The following EPB41L4A variants were observed in gnomAD, a reference collection of about 807,000 sequenced individuals.
EPB41L4A encodes band 4.1-like protein 4A.
A neutral mutation model predicts 108.6 loss-of-function variants in EPB41L4A; 100 were observed. The ratio of observed to expected loss-of-function variants is 0.92; its 90% CI spans 0.78 to 1.09. EPB41L4A has a LOEUF of 1.09. EPB41L4A is among the 50% of genes least tolerant of loss of function. The pLI is 0.00. For synonymous variants in EPB41L4A, 319 were observed against 289.0 expected (o/e 1.10, Z -1.05); for missense variants, 1,030 against 842.7 (o/e 1.22, Z -2.75).
intron 2 of EPB41L4A, among the ~76,000 whole-genome samples, chr5:112,282,141 C>A (rs772964785): frequency 5.9e-5 from 9 of 152,116 alleles, no homozygotes; most frequent in Non-Finnish European, 1.3e-4. Flanking sequence ...GAGCCCACAG[C>A]GACTAAAAAT....
intron 1 of EPB41L4A, among the ~76,000 whole-genome samples, chr5:112,365,628 T>C (rs774412011): frequency 1.3e-5 from 2 of 152,244 alleles, no homozygotes; most frequent in East Asian, 3.8e-4. Flanking sequence ...GAACCAACAC[T>C]GGCACATTAC....
At chr5:112,264,853 G>T in intron 6 of EPB41L4A, 43 bp downstream of exon 6, 2 of 1,578,780 alleles carry the variant, frequency 1.3e-6, no homozygotes, top group South Asian at 2.4e-5. Context: ...AGAAGATGAT[G>T]ACTGATGGAT....
At chr5:112,278,522 G>T (rs1043833429) in intron 3 of EPB41L4A, among the ~76,000 whole-genome samples, 1 of 151,874 alleles carries the variant, frequency 6.6e-6, no homozygotes, top group African/African-American at 2.4e-5. Context: ...AAACTGCTGG[G>T]ATTACAGGCA....
At chr5:112,242,955 T>C (rs1396244360) in intron 9 of EPB41L4A, among the ~76,000 whole-genome samples, 1 of 152,156 alleles carries the variant, frequency 6.6e-6, no homozygotes, top group African/African-American at 2.4e-5. Flanking sequence ...GGCTCATGCC[T>C]GTAATCCCAG....
At chr5:112,377,841 G>A (rs921320488) in intron 1 of EPB41L4A, among the ~76,000 whole-genome samples, 1 of 151,724 alleles carries the variant, frequency 6.6e-6, no homozygotes, top group East Asian at 1.9e-4. Context: ...CACACAAATT[G>A]GGAAGAGAAA....
intron 2 of EPB41L4A, among the ~76,000 whole-genome samples, chr5:112,298,594 T>C (rs1157073440): frequency 6.6e-6 from 1 of 152,206 alleles, no homozygotes; most frequent in African/African-American, 2.4e-5. Context: ...AGCGAGTATT[T>C]TGTTAAATAT....
intron 15 of EPB41L4A, among the ~76,000 whole-genome samples, chr5:112,200,565 T>C (rs1762171244): frequency 6.6e-6 from 1 of 152,206 alleles, no homozygotes. Context: ...CTTTGTCTAA[T>C]GGCAGCAGCA....
intron 18 of EPB41L4A, among the ~76,000 whole-genome samples, chr5:112,173,339 G>A (rs555527390): frequency 6.6e-6 from 1 of 152,138 alleles, no homozygotes; most frequent in South Asian, 2.1e-4. Context: ...GAGTGGCCAG[G>A]AGGACATACA....
chr5:112,211,560 C>A (rs1451534901), intron 12 of EPB41L4A, among the ~76,000 whole-genome samples: 11 of 151,382 alleles, frequency 7.3e-5, no homozygotes, highest in African/African-American at 1.2e-4. Flanking sequence ...TACACTCCAG[C>A]CCTGGCTACA....
intron 1 of EPB41L4A, among the ~76,000 whole-genome samples, chr5:112,345,915 T>C (rs1043717110): frequency 9.2e-5 from 14 of 152,162 alleles, no homozygotes; most frequent in African/African-American, 3.4e-4. Context: ...ACCTATGTAT[T>C]TTATAATTTA....
intron 1 of EPB41L4A, among the ~76,000 whole-genome samples, chr5:112,375,870 G>A (rs1759787828): frequency 6.6e-6 from 1 of 152,324 alleles, no homozygotes; most frequent in African/African-American, 2.4e-5. Context: ...ATGAGCCAAA[G>A]ACAAGAATCC....
At chr5:112,390,377 G>T (rs561746840) in intron 1 of EPB41L4A, among the ~76,000 whole-genome samples, 1 of 152,280 alleles carries the variant, frequency 6.6e-6, no homozygotes, top group African/African-American at 2.4e-5. Context: ...TTAGCAAACA[G>T]AACACCAGGA....
intron 2 of EPB41L4A, among the ~76,000 whole-genome samples, chr5:112,283,185 T>C (rs770972270): frequency 2.6e-5 from 4 of 152,122 alleles, no homozygotes; most frequent in Non-Finnish European, 4.4e-5. Context: ...CAAGACTCAG[T>C]CAAAGGCTAT....
At chr5:112,208,705 C>T (rs1326762774) in intron 13 of EPB41L4A, among the ~76,000 whole-genome samples, 2 of 152,148 alleles carry the variant, frequency 1.3e-5, no homozygotes, top group Non-Finnish European at 2.9e-5. Context: ...TACTGGCACA[C>T]GTACCCCTGG....
At chr5:112,211,033 G>C (rs972608350) in intron 12 of EPB41L4A, among the ~76,000 whole-genome samples, 1 of 151,600 alleles carries the variant, frequency 6.6e-6, no homozygotes, top group Admixed American at 6.6e-5. Context: ...TATTACAAGC[G>C]CTTCACATCT....
At chr5:112,205,657 T>C (rs1216045075) in intron 13 of EPB41L4A, among the ~76,000 whole-genome samples, 153 bp from the exon 14 acceptor site, 1 of 152,218 alleles carries the variant, frequency 6.6e-6, no homozygotes, top group Non-Finnish European at 1.5e-5. Flanking sequence ...GAACATGAAG[T>C]CGCTGCCCAT....
intron 2 of EPB41L4A, among the ~76,000 whole-genome samples, chr5:112,284,037 ATT>A (rs1753125904): frequency 6.6e-6 from 1 of 152,244 alleles, no homozygotes; most frequent in Non-Finnish European, 1.5e-5. Flanking sequence ...AAGTGAGTAA[ATT>A]TCCATGTAAT....
chr5:112,258,962 C>A (rs1226662275), intron 9 of EPB41L4A, among the ~76,000 whole-genome samples: 2 of 152,172 alleles, frequency 1.3e-5, no homozygotes, highest in African/African-American at 4.8e-5. Flanking sequence ...ATTGCACTAA[C>A]AACAATGATC....
chr5:112,295,411 C>G (rs1452046415), intron 2 of EPB41L4A, among the ~76,000 whole-genome samples: 1 of 152,146 alleles, frequency 6.6e-6, no homozygotes, highest in African/African-American at 2.4e-5. Flanking sequence ...ACTCAATTCC[C>G]AGATTCTCAC....
Sources: allele counts gnomAD v4.1 joint callset (sites outside exome capture counted in the v4.1 genomes callset), GRCh38; gene constraint gnomAD v4.1.1; transcripts MANE v1.5; gene names NCBI Gene and HGNC (gene_info 2026-07-23, HGNC 2026-07-21).